Variants in CASD1 observed in about 807,000 individuals in gnomAD.
CASD1 encodes the protein N-acetylneuraminate (7)9-O-acetyltransferase.
Under a neutral mutation model 100.0 loss-of-function variants are expected in CASD1, and 41 were observed. The ratio of observed to expected loss-of-function variants is 0.41; its 90% CI spans 0.32 to 0.53. The LOEUF is 0.53. Ranked by LOEUF, CASD1 falls within the 20% of genes least tolerant of loss-of-function variation. The pLI is 0.25. For synonymous variants in CASD1, 321 were observed against 315.6 expected (o/e 1.02, Z -0.18); for missense variants, 774 against 948.7 (o/e 0.82, Z 2.42).
At chr7:94,599,773 A>C in the CASD1 span, 1 of 1,267,888 alleles carries the variant, frequency 7.9e-7, no homozygotes, top group South Asian at 1.2e-5. Flanking sequence ...TGATATTTGG[A>C]ACATTAAGAC....
the CASD1 span, chr7:94,589,646 G>T: frequency 3.9e-5 from 6 of 152,520 alleles, no homozygotes; most frequent in African/African-American, 1.4e-4. Context: ...GGCAGCAGTA[G>T]ACGGTCATAG....
the CASD1 span, chr7:94,587,733 A>C: frequency 6.5e-7 from 1 of 1,533,098 alleles, no homozygotes; most frequent in Non-Finnish European, 8.8e-7. Flanking sequence ...AATTCTGATA[A>C]ACATCTTGTA....
chr7:94,551,600 T>C (rs1264776280), intron 15 of CASD1, 122 bp downstream of exon 15: 1 of 390,674 alleles, frequency 2.6e-6, no homozygotes, highest in Non-Finnish European at 4.1e-6. Context: ...TTTTTAATAT[T>C]TAGAAATTTT....
At position 94,533,738 on chromosome 7, in the gene CASD1, C is replaced by T. The variant is rs1794971012; in HGVS notation, c.564C>T (p.Ile188=). The T allele has an allele frequency of 1.2e-6, 2 of 1,605,686 alleles. No individual in the cohort carries two copies. The highest frequency in any genetic ancestry group is 2.7e-5 in the African/African-American group (2 of 74,618). Residue 188 remains isoleucine, a synonymous_variant, in exon 7 of 18, where the codon ATC becomes ATT. Coordinates refer to ENST00000297273, the MANE Select transcript of CASD1 (RefSeq NM_022900.5). The stretch of plus-strand genomic sequence containing the variant: ...CGCTTTCTCAATATAAAATGAACAT[C>T]ACCTCCATAGCACCACTTTTAGAAA... ...SEALSQYKMN[I]TSIAPLLEKL... is the part of the protein sequence containing the mutation.
At chr7:94,563,820 A>G in the CASD1 span, among the ~76,000 whole-genome samples, 1 of 152,266 alleles carries the variant, frequency 6.6e-6, no homozygotes, top group South Asian at 2.1e-4. Flanking sequence ...AGTAGGGAAT[A>G]CAAGATGCAG....
At chr7:94,561,661 T>G (rs569108020), downstream of CASD1, among the ~76,000 whole-genome samples, 3 of 152,188 alleles carry the variant, frequency 2.0e-5, no homozygotes, top group East Asian at 5.8e-4. Flanking sequence ...CAGAAACTAC[T>G]GATTATTAAA....
chr7:94,567,181 C>T, the CASD1 span, among the ~76,000 whole-genome samples: 3 of 152,120 alleles, frequency 2.0e-5, no homozygotes, highest in East Asian at 5.8e-4. Context: ...TTCACACCCA[C>T]ATACCAGATT....
chr7:94,552,076 GGT>G, intron 15 of CASD1: 1 of 333,352 alleles, frequency 3.0e-6, no homozygotes, highest in Non-Finnish European at 5.4e-6. Flanking sequence ...TGTAATGTAA[GGT>G]GTTTCATATG....
At chr7:94,566,219 CA>C in the CASD1 span, among the ~76,000 whole-genome samples, 1 of 152,012 alleles carries the variant, frequency 6.6e-6, no homozygotes, top group Non-Finnish European at 1.5e-5. Context: ...TTCATCAAAA[CA>C]CCAGAAATAA....
At chr7:94,596,940 A>G in the CASD1 span, among the ~76,000 whole-genome samples, 1 of 152,192 alleles carries the variant, frequency 6.6e-6, no homozygotes, top group Non-Finnish European at 1.5e-5. Context: ...TTGAAAATGA[A>G]TGATAAAGCC....
At chr7:94,534,415 C>T (rs1022938354) in intron 7 of CASD1, among the ~76,000 whole-genome samples, 2 of 151,892 alleles carry the variant, frequency 1.3e-5, no homozygotes, top group African/African-American at 4.8e-5. Flanking sequence ...CTTCACCCTG[C>T]TTCATAATAT....
At chr7:94,542,366 T>C (rs191252855) in intron 10 of CASD1, among the ~76,000 whole-genome samples, 17 of 152,352 alleles carry the variant, frequency 1.1e-4, no homozygotes, top group Middle Eastern at 3.4e-3. Flanking sequence ...GTGTGAAATG[T>C]ATACCACATT....
chr7:94,538,968 C>T lies in CASD1; in HGVS notation c.1268C>T (p.Thr423Ile), dbSNP rs938799789. 3.4e-5 allele frequency: 54 copies of T among 1,573,756 alleles called. No homozygotes were observed. The highest frequency in any genetic ancestry group is 4.4e-5 in the Non-Finnish European group (51 of 1,147,278). The change falls in exon 10 of 18, where the codon ACT (threonine) becomes ATT (isoleucine). Residue 423 changes from threonine (T) to isoleucine (I), a missense_variant and splice_region_variant. Physicochemically the swap from Thr to Ile is moderately conservative, Grantham distance 89 (BLOSUM62 -1). Coordinates refer to ENST00000297273, the MANE Select transcript of CASD1 (RefSeq NM_022900.5). ...GVFYNENTKE[T>I]KVLNREQTDE... ...ACAGATTTTGGTTCCTTTACACAGA[C>T]TAAAGTATTAAATAGAGAACAAACA...
the CASD1 span, among the ~76,000 whole-genome samples, chr7:94,613,544 G>A: frequency 6.6e-6 from 1 of 152,082 alleles, no homozygotes; most frequent in African/African-American, 2.4e-5. Context: ...AGATAGAGTT[G>A]TTTCTTGTGA....
the CASD1 span, among the ~76,000 whole-genome samples, chr7:94,632,004 C>G: frequency 3.3e-5 from 5 of 151,846 alleles, no homozygotes; most frequent in African/African-American, 1.2e-4. Context: ...TGTATCAATG[C>G]CTATGGAATG....
chr7:94,538,503 C>G (rs1428015517), intron 9 of CASD1, among the ~76,000 whole-genome samples: 1 of 152,004 alleles, frequency 6.6e-6, no homozygotes, highest in African/African-American at 2.4e-5. Flanking sequence ...ATTAGTTATT[C>G]ATCTTCATTG....
At chr7:94,572,673 T>C in the CASD1 span, among the ~76,000 whole-genome samples, 1 of 152,202 alleles carries the variant, frequency 6.6e-6, no homozygotes, top group Non-Finnish European at 1.5e-5. Context: ...TCCCATTCTG[T>C]AGGTTGTCTG....
the CASD1 span, among the ~76,000 whole-genome samples, chr7:94,611,174 G>A: frequency 6.6e-6 from 1 of 152,150 alleles, no homozygotes; most frequent in Non-Finnish European, 1.5e-5. Flanking sequence ...GAAAATATAT[G>A]TCTACACAAA....
At chr7:94,516,717 C>CTAA (rs562016882) in intron 1 of CASD1, among the ~76,000 whole-genome samples, 61 of 151,810 alleles carry the variant, frequency 4.0e-4, no homozygotes, top group African/African-American at 1.4e-3. Flanking sequence ...GTATATTTAG[C>CTAA]TAATGTACAG....
Sources: gnomAD v4.1 joint callset for allele counts (sites outside exome capture counted in the v4.1 genomes callset) on GRCh38, gnomAD v4.1.1 for gene constraint, MANE v1.5 for transcripts, NCBI Gene and HGNC (gene_info 2026-07-23, HGNC 2026-07-21) for gene names.